The following TBC1D9 variants were observed in gnomAD, a reference collection of about 807,000 sequenced individuals.
The protein encoded by TBC1D9 is TBC1 domain family member 9A.
TBC1D9 carries 63 observed loss-of-function variants against 132.0 expected under a neutral mutation model. That is an observed-to-expected ratio of 0.48 (90% CI 0.39 to 0.59). TBC1D9 has a LOEUF of 0.59. Ranked by LOEUF, TBC1D9 falls within the 20% of genes least tolerant of loss-of-function variation. TBC1D9 has a pLI of 0.00. For synonymous variants in TBC1D9, 610 were observed against 609.9 expected (o/e 1.00, Z 0.00); for missense variants, 1,261 against 1,592.7 (o/e 0.79, Z 3.54).
chr4:140,694,603 T>A (rs1448569975), intron 2 of TBC1D9, among the ~76,000 whole-genome samples: 1 of 150,012 alleles, frequency 6.7e-6, no homozygotes, highest in African/African-American at 2.4e-5. Context: ...AGAAAATTGA[T>A]GGTATGGAAA....
rs10025556 is a variant in TBC1D9, at chr4:140,685,122, A to G, written c.360+1222T>C. On this transcript the variant is annotated intron_variant, in intron 3 of 20. Transcript: ENST00000442267. ...AAATCACCATCTTGTAAACTGTCACAGTAAAGACTGGTTCAGATGAAAAAT... is the reference window on the plus strand; with the variant it reads ...AAATCACCATCTTGTAAACTGTCACGGTAAAGACTGGTTCAGATGAAAAAT... Among the ~76,000 whole-genome samples the G allele has an allele frequency of 2.3e-3, 344 of 152,352 alleles. 5 individuals are homozygous for G. Among genetic ancestry groups the G allele is most frequent in the African/African-American group, 7.8e-3 (325 of 41,578 alleles).
At chr4:140,708,011 C>A (rs957862022) in intron 1 of TBC1D9, among the ~76,000 whole-genome samples, 2 of 152,064 alleles carry the variant, frequency 1.3e-5, no homozygotes, top group African/African-American at 2.4e-5. Context: ...CCACCAGACC[C>A]TGGGCAATTT....
rs758539226 is a variant in TBC1D9, at chr4:140,679,723, C to T, written c.481G>A (p.Val161Ile). The change falls in exon 4 of 21, where the codon GTC becomes ATC. Residue 161 changes from valine to isoleucine, a missense_variant. Physicochemically the swap from Val to Ile is conservative, Grantham distance 29. Around this residue, in one of 3 missense-constraint regions of TBC1D9, gnomAD observed 550 missense variants for 699.0 expected, o/e 0.79. Coordinates refer to ENST00000442267, the MANE Select transcript of TBC1D9 (RefSeq NM_015130.3). ...LFGMPEEEKL[V>I]NYYSCSYWKG... Reference sequence around the variant, plus strand: ...CAATAGCTGCAAGAGTAATAGTTGACGAGTTTCTCTTCCTCTGGCATCCCA... The same window carrying T: ...CAATAGCTGCAAGAGTAATAGTTGATGAGTTTCTCTTCCTCTGGCATCCCA... 9 of 1,613,598 alleles carry T rather than the reference C, an allele frequency of 5.6e-6. No individual in the cohort carries two copies. The highest frequency in any genetic ancestry group is 3.3e-5 in the Admixed American group (2 of 59,966).
At chr4:140,660,747 TG>T (rs1737343914) in intron 10 of TBC1D9, among the ~76,000 whole-genome samples, 2 of 152,112 alleles carry the variant, frequency 1.3e-5, no homozygotes, top group African/African-American at 4.8e-5. Flanking sequence ...AACTAGTCTA[TG>T]TGGGGGGTTA....
intron 20 of TBC1D9, among the ~76,000 whole-genome samples, chr4:140,623,839 G>A (rs1163826383): frequency 3.3e-5 from 5 of 152,176 alleles, no homozygotes; most frequent in Non-Finnish European, 7.3e-5. Context: ...TGTCTTTCGA[G>A]TATCTGAGGG....
At chr4:140,683,048 G>C (rs1737729893) in intron 3 of TBC1D9, among the ~76,000 whole-genome samples, 1 of 151,986 alleles carries the variant, frequency 6.6e-6, no homozygotes, top group Non-Finnish European at 1.5e-5. Context: ...CACCACGCCT[G>C]GCTAATTTTT....
At chr4:140,680,018 A>T (rs1172491922) in intron 3 of TBC1D9, among the ~76,000 whole-genome samples, 175 bp from the exon 4 acceptor site, 1 of 152,054 alleles carries the variant, frequency 6.6e-6, no homozygotes, top group African/African-American at 2.4e-5. Flanking sequence ...GTACTAAAAT[A>T]TTTTCACATA....
At chr4:140,692,845 C>A (rs1737897497) in intron 2 of TBC1D9, among the ~76,000 whole-genome samples, 1 of 151,942 alleles carries the variant, frequency 6.6e-6, no homozygotes, top group African/African-American at 2.4e-5. Flanking sequence ...CATGGCAATA[C>A]CCTATCTCTA....
At chr4:140,644,715 C>A (rs1030519688) in intron 13 of TBC1D9, 4 of 410,692 alleles carry the variant, frequency 9.7e-6, no homozygotes, top group African/African-American at 8.5e-5. Context: ...AGTGCTGCAG[C>A]GAAAAGAGCT....
Position 140,633,974 on chromosome 4 carries a change from T to C in TBC1D9, c.2720A>G (p.Asn907Ser). The change falls in exon 16 of 21, where the codon AAC becomes AGC. Residue 907 changes from asparagine to serine, a missense_variant. By Grantham distance (46) the Asn-to-Ser change is conservative. Around this residue, in one of 3 missense-constraint regions of TBC1D9, gnomAD observed 618 missense variants for 724.4 expected, o/e 0.85. Coordinates refer to ENST00000442267, the MANE Select transcript of TBC1D9 (RefSeq NM_015130.3). Reference protein sequence around the residue: ...LLDENGDSLINFREFVSGLSA... With the variant: ...LLDENGDSLISFREFVSGLSA... ...TAGCCCAGAGACAAACTCCCGGAAG[T>C]TAATCAAAGAGTCTCCATTTTCATC... 1 of 1,613,910 alleles carries C rather than the reference T, an allele frequency of 6.2e-7. No individual in the cohort carries two copies. Among genetic ancestry groups the C allele is most frequent in the African/African-American group, 1.3e-5 (1 of 75,020 alleles).
chr4:140,679,501 A>G (rs1304805418), intron 4 of TBC1D9, 114 bp downstream of exon 4: 7 of 794,220 alleles, frequency 8.8e-6, no homozygotes, highest in Non-Finnish European at 1.4e-5. Context: ...AAAAATTAGT[A>G]TTGACTTAGT....
At position 140,661,994 on chromosome 4, in the gene TBC1D9, G is replaced by A; in HGVS notation, c.1702C>T (p.Leu568Phe). The change falls in exon 10 of 21, where the codon CTT (leucine) becomes TTT (phenylalanine). Residue 568 changes from leucine to phenylalanine, a missense_variant. By Grantham distance (22) the Leu-to-Phe change is conservative. Transcript: ENST00000442267. ...EEIERDLHRSLPEHPAFQNEM... is the reference protein window; with the variant it reads ...EEIERDLHRSFPEHPAFQNEM... ...TTCTGAAAAGCTGGGTGTTCTGGAA[G>A]GGAGCGGTGTAAATCCCTCTCAATC... 1.9e-6 allele frequency: 3 copies of A among 1,613,988 alleles called. No individual in the cohort carries two copies. The highest frequency in any genetic ancestry group is 2.5e-6 in the Non-Finnish European group (3 of 1,179,878).
At chr4:140,668,175 C>T (rs930706460) in intron 9 of TBC1D9, among the ~76,000 whole-genome samples, 9 of 152,160 alleles carry the variant, frequency 5.9e-5, no homozygotes, top group East Asian at 1.9e-4. Context: ...TCAGTGCTTT[C>T]GGATGGGAGG....
At chr4:140,676,554 G>A (rs912281522) in intron 6 of TBC1D9, among the ~76,000 whole-genome samples, 1 of 152,206 alleles carries the variant, frequency 6.6e-6, no homozygotes, top group African/African-American at 2.4e-5. Flanking sequence ...TCAGGAGGCT[G>A]AGGCAGGAGA....
chr4:140,687,321 A>ATG (rs138113974), intron 2 of TBC1D9, among the ~76,000 whole-genome samples: 2,493 of 97,254 alleles, frequency 0.026, 169 homozygotes, highest in African/African-American at 0.068. Context: ...ATATATATAT[A>ATG]TGTGTGTGTG....
chr4:140,678,055 A>G (rs1236399487), intron 5 of TBC1D9, among the ~76,000 whole-genome samples: 2 of 151,102 alleles, frequency 1.3e-5, no homozygotes, highest in African/African-American at 4.9e-5. Context: ...TTACCACTGA[A>G]TTTCTTGAAA....
chr4:140,745,896 C>G (rs1288161459), intron 1 of TBC1D9, among the ~76,000 whole-genome samples: 2 of 152,176 alleles, frequency 1.3e-5, no homozygotes, highest in Non-Finnish European at 2.9e-5. Flanking sequence ...CCTAACCAGT[C>G]AGGGCTTCAT....
chr4:140,633,200 A>G (rs1736825824), intron 16 of TBC1D9, among the ~76,000 whole-genome samples: 1 of 152,240 alleles, frequency 6.6e-6, no homozygotes, highest in Non-Finnish European at 1.5e-5. Flanking sequence ...AAGGTCATAG[A>G]GTAGCACAAT....
At chr4:140,734,882 G>A (rs1397103646) in intron 1 of TBC1D9, among the ~76,000 whole-genome samples, 1 of 152,156 alleles carries the variant, frequency 6.6e-6, no homozygotes, top group East Asian at 1.9e-4. Flanking sequence ...CAATAAACAT[G>A]TGAGGTGGTA....
Sources: allele counts gnomAD v4.1 joint callset (sites outside exome capture counted in the v4.1 genomes callset), GRCh38; gene constraint gnomAD v4.1.1; regional missense constraint gnomAD v4.1.1; transcripts MANE v1.5; gene names NCBI Gene and HGNC (gene_info 2026-07-23, HGNC 2026-07-21).